Variants in SNX29 observed in about 807,000 individuals in gnomAD.
SNX29 encodes sorting nexin-29.
In SNX29, 78 loss-of-function variants were observed where a neutral mutation model predicts 102.1. The observed-to-expected ratio is 0.76, with a 90% CI of 0.64 to 0.92. The LOEUF (loss-of-function observed/expected upper bound fraction) is 0.92. Ranked by LOEUF, SNX29 falls within the 40% of genes least tolerant of loss-of-function variation. SNX29 has a pLI of 0.00. For synonymous variants in SNX29, 580 were observed against 414.5 expected (o/e 1.40, Z -4.85); for missense variants, 1,280 against 1,061.7 (o/e 1.21, Z -2.86).
At chr16:12,489,426 A>G (rs1192754694) in intron 19 of SNX29, among the ~76,000 whole-genome samples, 6 of 152,220 alleles carry the variant, frequency 3.9e-5, no homozygotes, top group Middle Eastern at 6.8e-3. Flanking sequence ...GGCCACTTGC[A>G]TCTTTAGAAA....
chr16:12,104,221 C>G (rs546798488), intron 11 of SNX29, among the ~76,000 whole-genome samples: 1 of 152,130 alleles, frequency 6.6e-6, no homozygotes, highest in Non-Finnish European at 1.5e-5. Context: ...AAATCAGGCA[C>G]AGAGATCACC....
At chr16:12,362,031 C>T (rs1174106459) in intron 16 of SNX29, among the ~76,000 whole-genome samples, 1 of 144,092 alleles carries the variant, frequency 6.9e-6, no homozygotes. Context: ...TAACGAGTAG[C>T]CTGCTGAATT....
At chr16:12,389,045 C>T (rs1324974101) in intron 16 of SNX29, among the ~76,000 whole-genome samples, 1 of 152,134 alleles carries the variant, frequency 6.6e-6, no homozygotes, top group Non-Finnish European at 1.5e-5. Context: ...GCTCAGTGGT[C>T]CCAGGCCAAT....
intron 11 of SNX29, among the ~76,000 whole-genome samples, chr16:12,108,366 C>G (rs1041697774): frequency 6.6e-6 from 1 of 152,190 alleles, no homozygotes; most frequent in Non-Finnish European, 1.5e-5. Context: ...TGGTGAGTGG[C>G]TTCCATGAGA....
chr16:12,426,103 A>G (rs1287394120), intron 18 of SNX29, among the ~76,000 whole-genome samples: 1 of 151,608 alleles, frequency 6.6e-6, no homozygotes, highest in Non-Finnish European at 1.5e-5. Flanking sequence ...TTTTAAAAAG[A>G]TACAGTACTG....
intron 18 of SNX29, among the ~76,000 whole-genome samples, chr16:12,409,094 G>A (rs2084289370): frequency 6.6e-6 from 1 of 152,188 alleles, no homozygotes; most frequent in Non-Finnish European, 1.5e-5. Flanking sequence ...GTAATATCTG[G>A]AGAGTTCCTG....
chr16:12,104,101 G>A (rs1337311477), intron 11 of SNX29, among the ~76,000 whole-genome samples: 1 of 152,194 alleles, frequency 6.6e-6, no homozygotes, highest in Non-Finnish European at 1.5e-5. Flanking sequence ...CCTTGAAACG[G>A]TGGCTACCAC....
intron 16 of SNX29, among the ~76,000 whole-genome samples, chr16:12,369,369 C>G (rs564242977): frequency 1.8e-4 from 27 of 152,226 alleles, no homozygotes; most frequent in African/African-American, 6.3e-4. Context: ...CTCCTGGCCT[C>G]AAGTGATCGA....
chr16:12,048,704 C>A, intron 7 of SNX29, 84 bp downstream of exon 7: 1 of 1,609,012 alleles, frequency 6.2e-7, no homozygotes, highest in Non-Finnish European at 8.5e-7. Flanking sequence ...ATCTGAAAGT[C>A]ATTCCAAGGG....
Position 12,364,158 on chromosome 16 carries a change from TGTTTGTTA to T in SNX29, c.1899+7880_1899+7887del, listed in dbSNP as rs1328140255. On this transcript the variant is annotated intron_variant, in intron 16 of 20. Coordinates refer to ENST00000566228, the MANE Select transcript of SNX29 (RefSeq NM_032167.5). ...CAGGTGTGCGCCACCAAGCCTGGCT[TGTTTGTTA>T]TGTTATGTTATGTTATGTTATGTTA... Among the ~76,000 whole-genome samples the T allele has an allele frequency of 7.5e-3, 761 of 101,598 alleles. 7 individuals carry two copies. The highest frequency in any genetic ancestry group is 0.027 in the African/African-American group (681 of 24,862). The allele number at this position is 101,598 out of a possible 152,430, so 66.7% of individuals were successfully genotyped here. A position where few individuals can be genotyped will look rare whatever the true frequency, so the allele number is the denominator to read the frequency against.
chr16:12,323,142 A>T (rs1359252646), intron 15 of SNX29, among the ~76,000 whole-genome samples: 1 of 125,570 alleles, frequency 8.0e-6, no homozygotes, highest in Non-Finnish European at 1.7e-5. Flanking sequence ...GTCACTGGGG[A>T]CCACTGTCAG....
At chr16:12,163,890 A>G (rs888702209) in intron 13 of SNX29, among the ~76,000 whole-genome samples, 3 of 152,066 alleles carry the variant, frequency 2.0e-5, no homozygotes, top group African/African-American at 7.2e-5. Context: ...GGGTGTGTCC[A>G]GATTTGGACA....
At chr16:12,423,010 C>G (rs748776272) in intron 18 of SNX29, among the ~76,000 whole-genome samples, 3 of 152,212 alleles carry the variant, frequency 2.0e-5, no homozygotes, top group Non-Finnish European at 4.4e-5. Flanking sequence ...ACTCAGGCTT[C>G]TCAAAGCCCA....
At chr16:11,981,917 A>C (rs927848691) in intron 1 of SNX29, among the ~76,000 whole-genome samples, 1 of 152,126 alleles carries the variant, frequency 6.6e-6, no homozygotes, top group Non-Finnish European at 1.5e-5. Context: ...TAAGAAAAGC[A>C]GGGTGGGTCT....
chr16:12,202,499 C>G (rs2076937401), intron 14 of SNX29, among the ~76,000 whole-genome samples: 1 of 152,186 alleles, frequency 6.6e-6, no homozygotes, highest in South Asian at 2.1e-4. Context: ...GCTCTTCCTC[C>G]AGCATTAGAA....
chr16:12,248,770 T>A (rs2078336478), intron 14 of SNX29, among the ~76,000 whole-genome samples: 2 of 151,900 alleles, frequency 1.3e-5, no homozygotes, highest in African/African-American at 2.4e-5. Context: ...GAATGGCACT[T>A]CTGGCACTGC....
At chr16:12,488,459 C>T (rs2088365764) in intron 19 of SNX29, among the ~76,000 whole-genome samples, 1 of 152,124 alleles carries the variant, frequency 6.6e-6, no homozygotes, top group African/African-American at 2.4e-5. Flanking sequence ...GTCCCCGCAC[C>T]CATGACACCA....
intron 15 of SNX29, among the ~76,000 whole-genome samples, chr16:12,284,189 T>G (rs2079521911): frequency 6.6e-6 from 1 of 152,270 alleles, no homozygotes; most frequent in African/African-American, 2.4e-5. Context: ...TGTCGCTGCC[T>G]TCTGCAGCCT....
chr16:12,054,772 G>T (rs1596712794), intron 8 of SNX29, among the ~76,000 whole-genome samples: 1 of 152,210 alleles, frequency 6.6e-6, no homozygotes, highest in Non-Finnish European at 1.5e-5. Context: ...CTCTCTTCAG[G>T]CACACACCCC....
Sources: gnomAD v4.1 joint callset for allele counts (sites outside exome capture counted in the v4.1 genomes callset) on GRCh38, gnomAD v4.1.1 for gene constraint, MANE v1.5 for transcripts, NCBI Gene and HGNC (gene_info 2026-07-23, HGNC 2026-07-21) for gene names.